Variants in TMCO4 observed in about 807,000 individuals in gnomAD.
TMCO4 encodes transmembrane and coiled-coil domain-containing protein 4.
A neutral mutation model predicts 64.7 loss-of-function variants in TMCO4; 58 were observed. The observed-to-expected ratio is 0.90, with a 90% confidence interval of 0.73 to 1.12. TMCO4 has a LOEUF of 1.12. Among genes scored for constraint, TMCO4 ranks in the 50% most tolerant of loss-of-function variants. The pLI is 0.00. For synonymous variants in TMCO4, 325 were observed against 346.1 expected (o/e 0.94, Z 0.68); for missense variants, 780 against 825.9 (o/e 0.94, Z 0.68).
intron 13 of TMCO4, among the ~76,000 whole-genome samples, chr1:19,705,055 T>C (rs2095295141): frequency 6.6e-6 from 1 of 152,186 alleles, no homozygotes; most frequent in South Asian, 2.1e-4. Flanking sequence ...ATGCATGGTG[T>C]TAGCTAAGGG....
At chr1:19,785,513 T>C (rs2101096412) in intron 3 of TMCO4, among the ~76,000 whole-genome samples, 1 of 152,288 alleles carries the variant, frequency 6.6e-6, no homozygotes, top group Non-Finnish European at 1.5e-5. Flanking sequence ...GCTGGATGAA[T>C]GAAGAAGGGG....
intron 13 of TMCO4, among the ~76,000 whole-genome samples, 197 bp downstream of exon 13, chr1:19,737,175 C>G (rs1332289655): frequency 2.0e-5 from 3 of 152,238 alleles, no homozygotes; most frequent in Non-Finnish European, 2.9e-5. Flanking sequence ...TGCATCTACT[C>G]TAATGTATGT....
chr1:19,688,491 T>G (rs996895246), intron 15 of TMCO4, among the ~76,000 whole-genome samples: 1 of 152,204 alleles, frequency 6.6e-6, no homozygotes, highest in African/African-American at 2.4e-5. Flanking sequence ...TGGACCTCAA[T>G]TTCCTCATGT....
At chr1:19,737,237 T>G (rs2095458772) in intron 13 of TMCO4, 135 bp downstream of exon 13, 1 of 878,754 alleles carries the variant, frequency 1.1e-6, no homozygotes, top group Non-Finnish European at 1.7e-6. Context: ...ATTTTTAAAC[T>G]ATTTTTAACT....
intron 13 of TMCO4, among the ~76,000 whole-genome samples, chr1:19,733,867 G>A (rs1557531356): frequency 6.6e-6 from 1 of 151,964 alleles, no homozygotes. Context: ...CCTCCTAGCC[G>A]TGTGATTCAG....
chr1:19,686,561 C>T (rs1310622180), intron 15 of TMCO4, among the ~76,000 whole-genome samples: 1 of 152,222 alleles, frequency 6.6e-6, no homozygotes, highest in Non-Finnish European at 1.5e-5. Context: ...CCTTTCCTCA[C>T]GAATGCTTTT....
chr1:19,779,831 G>C (rs1293290590), intron 4 of TMCO4, among the ~76,000 whole-genome samples: 1 of 152,222 alleles, frequency 6.6e-6, no homozygotes, highest in Non-Finnish European at 1.5e-5. Flanking sequence ...TGTCCTACTT[G>C]ATTGGGGGAT....
rs1003542169 is a variant in TMCO4 at position 19,682,565 on chromosome 1, A to G, written c.*475T>C. 1.1e-5 allele frequency: 8 copies of G among 714,294 alleles called. No homozygotes were observed. Among genetic ancestry groups the G allele is most frequent in the African/African-American group, 1.0e-4 (6 of 57,202 alleles). The allele number at this position is 714,294 out of a possible 1,614,324, so 44.2% of individuals were successfully genotyped here. A position where few individuals can be genotyped will look rare whatever the true frequency, so the allele number is the denominator to read the frequency against. ...GCGCCTGCTCTGTTGCTGCCAGTTGATGGTGCCTGTCAGCTGGTGGGCAGC... is the reference window on the plus strand; with the variant it reads ...GCGCCTGCTCTGTTGCTGCCAGTTGGTGGTGCCTGTCAGCTGGTGGGCAGC... On this transcript the variant is annotated 3_prime_UTR_variant, in exon 16 of 16. Coordinates refer to ENST00000294543, the MANE Select transcript of TMCO4 (RefSeq NM_181719.7).
intron 5 of TMCO4, 35 bp from the exon 6 acceptor site, chr1:19,770,604 C>A: frequency 6.2e-7 from 1 of 1,607,702 alleles, no homozygotes; most frequent in Non-Finnish European, 8.5e-7. Context: ...AATGACAAAG[C>A]TGATATACGA....
At chr1:19,777,265 G>T (rs545792188) in intron 4 of TMCO4, among the ~76,000 whole-genome samples, 26 of 152,024 alleles carry the variant, frequency 1.7e-4, no homozygotes, top group African/African-American at 6.3e-4. Context: ...TCCTGTGAGG[G>T]TGTGATGTAT....
At chr1:19,735,738 C>A (rs2100818475) in intron 13 of TMCO4, among the ~76,000 whole-genome samples, 1 of 152,284 alleles carries the variant, frequency 6.6e-6, no homozygotes, top group East Asian at 1.9e-4. Context: ...GTTAACATAG[C>A]ATTTATGCTA....
At position 19,776,084 on chromosome 1, in the gene TMCO4, T is replaced by A. The variant is rs796293542; in HGVS notation, c.179+4496A>T. ...CACCACATCCGGCTAATCTTTGTAT[T>A]TTTAGTAGAGACAGGGTTTCACCAT... On this transcript the variant is annotated intron_variant, in intron 4 of 15. Transcript: ENST00000294543. Among the ~76,000 whole-genome samples the A allele has an allele frequency of 1.4e-4, 21 of 152,254 alleles. 2 individuals carry two copies. Among genetic ancestry groups the A allele is most frequent in the African/African-American group, 5.1e-4 (21 of 41,564 alleles).
intron 7 of TMCO4, among the ~76,000 whole-genome samples, chr1:19,755,315 G>A (rs1342706157): frequency 1.3e-5 from 2 of 152,128 alleles, no homozygotes; most frequent in African/African-American, 4.8e-5. Flanking sequence ...TAGTAGAGAT[G>A]GGGTTTTATC....
At chr1:19,797,974 AAAAGAAAAGAAAAGAAAAGAAAAGAAAAG>A (rs1250447964) in intron 2 of TMCO4, 134 bp downstream of exon 2, 57 of 165,072 alleles carry the variant, frequency 3.5e-4, no homozygotes, top group African/African-American at 1.8e-3. Context: ...AAAAGAAAAG[AAAAGAAAAGAAAAGAAAAGAAAAGAAAAG>A]AAAAGAAAAG....
intron 7 of TMCO4, among the ~76,000 whole-genome samples, chr1:19,754,049 C>T (rs1007276299): frequency 6.6e-6 from 1 of 152,126 alleles, no homozygotes; most frequent in African/African-American, 2.4e-5. Flanking sequence ...GAGGAGGGCG[C>T]TACTATTATC....
intron 4 of TMCO4, 73 bp from the exon 5 acceptor site, chr1:19,771,555 G>A: frequency 4.0e-6 from 6 of 1,494,264 alleles, no homozygotes; most frequent in Non-Finnish European, 5.4e-6. Context: ...TAGATTAGTT[G>A]TGGTCACGGA....
chr1:19,692,412 A>G (rs2095202341), intron 15 of TMCO4, among the ~76,000 whole-genome samples: 1 of 152,000 alleles, frequency 6.6e-6, no homozygotes, highest in Non-Finnish European at 1.5e-5. Flanking sequence ...TTGTCTGTAC[A>G]ATGGGGACAG....
intron 2 of TMCO4, among the ~76,000 whole-genome samples, chr1:19,796,397 C>G (rs938073583): frequency 6.6e-6 from 1 of 152,106 alleles, no homozygotes; most frequent in Admixed American, 6.5e-5. Flanking sequence ...TCCACCTCTC[C>G]TTGGACATAA....
chr1:19,770,392 C>T (rs939835971), intron 6 of TMCO4, 150 bp downstream of exon 6: 8 of 793,374 alleles, frequency 1.0e-5, no homozygotes, highest in Non-Finnish European at 1.6e-5. Context: ...AAGGGCTCAC[C>T]AGCTCACCAA....
Sources: allele counts gnomAD v4.1 joint callset (sites outside exome capture counted in the v4.1 genomes callset), GRCh38; gene constraint gnomAD v4.1.1; transcripts MANE v1.5; gene names NCBI Gene and HGNC (gene_info 2026-07-23, HGNC 2026-07-21).